PLK5: variants seen among roughly 807,000 people sequenced by gnomAD.
The protein encoded by PLK5 is inactive serine/threonine-protein kinase PLK5.
In PLK5, 28 loss-of-function variants were observed where a neutral mutation model predicts 33.7. That is an observed-to-expected ratio of 0.83 (90% confidence interval 0.62 to 1.14). The LOEUF is 1.14. PLK5 is among the 50% of genes most tolerant of loss of function. The pLI is 0.00. For missense variants in PLK5, 492 were observed against 461.5 expected (o/e 1.07, Z -0.61); for synonymous variants, 225 against 202.2 (o/e 1.11, Z -0.96).
At position 1,533,837 on chromosome 19, in the gene PLK5, C is replaced by T. The variant is rs1042796887; in HGVS notation, c.715-94C>T. 20 of 887,242 alleles carry T rather than the reference C, an allele frequency of 2.3e-5. No homozygotes were observed. The East Asian group carries it at 2.8e-4, about 12-fold the overall frequency. The allele number at this position is 887,242 out of a possible 1,614,324, so 55.0% of individuals were successfully genotyped here. On this transcript the variant is annotated intron_variant, in intron 12 of 13. Coordinates refer to ENST00000454744, the MANE Select transcript of PLK5 (RefSeq NM_001243079.2). ...GCTCTTTGCCGGCTGCCTGCGGCGG[C>T]GGCTGCGGGAGGTGAGAGCTGGGGT... is the stretch of plus-strand genomic sequence containing the variant.
intron 12 of PLK5, 102 bp from the exon 13 acceptor site, chr19:1,533,829 T>TGCG (rs1328039661): frequency 3.6e-6 from 3 of 837,980 alleles, no homozygotes; most frequent in Non-Finnish European, 5.4e-6. Flanking sequence ...GCCGGCTGCC[T>TGCG]GCGGCGGCGG....
intron 10 of PLK5, 59 bp downstream of exon 10, chr19:1,529,549 A>C: frequency 6.7e-7 from 1 of 1,499,120 alleles, no homozygotes; most frequent in Non-Finnish European, 9.0e-7. Flanking sequence ...ATTACAAGTG[A>C]CAGGGGGACC....
At position 1,531,843 on chromosome 19, in the gene PLK5, G is replaced by C. The variant is rs751542106; in HGVS notation, c.674G>C (p.Arg225Pro). 6.6e-7 allele frequency: 1 copy of C among 1,524,812 alleles called. No individual in the cohort carries two copies. The highest frequency in any genetic ancestry group is 8.8e-7 in the Non-Finnish European group (1 of 1,141,420). The allele number at this position is 1,524,812 out of a possible 1,614,324, so 94.5% of individuals were successfully genotyped here. A position where few individuals can be genotyped will look rare whatever the true frequency, so the allele number is the denominator to read the frequency against. The change falls in exon 12 of 14, where the codon CGC (arginine) becomes CCC (proline). Residue 225 changes from arginine (R) to proline (P), a missense_variant. Coordinates refer to ENST00000454744, the MANE Select transcript of PLK5 (RefSeq NM_001243079.2). ...GGCTACCAGCTCTTGGACGGGGGGC[G>C]CACGGGACGGCACCCACATGGCCCT... ...GFGYQLLDGG[R>P]TGRHPHGPAT...
At position 1,531,875 on chromosome 19, in the gene PLK5, C is replaced by G; in HGVS notation, c.706C>G (p.Pro236Ala). Residue 236 changes from proline to alanine, a missense_variant, in exon 12 of 14, where the codon CCC (proline) becomes GCC (alanine). Pro to Ala is a conservative substitution (Grantham distance 27, BLOSUM62 -1). Transcript: ENST00000454744. ...ACGGCACCCACATGGCCCTGCGACC[C>G]CCCGGAGGGTAAGTTGTGGCCTCCT... ...TGRHPHGPAT[P>A]RREGTLPTPV... is the part of the protein sequence containing the mutation. The G allele has an allele frequency of 6.7e-7, 1 of 1,484,422 alleles. No homozygotes were observed. Among genetic ancestry groups the G allele is most frequent in the East Asian group, 2.6e-5 (1 of 39,080 alleles). 92.0% of individuals were successfully genotyped at this position (1,484,422 alleles called of 1,614,324 possible). A position where few individuals can be genotyped will look rare whatever the true frequency, so the allele number is the denominator to read the frequency against.
In PLK5 at chr19:1,535,240, A is replaced by G; in HGVS notation, c.1001A>G (p.Gln334Arg). 1 of 1,535,580 alleles carries G rather than the reference A, an allele frequency of 6.5e-7. No individual in the cohort carries two copies. Among genetic ancestry groups the G allele is most frequent in the South Asian group, 1.2e-5 (1 of 84,030 alleles). The stretch of plus-strand genomic sequence containing the variant: ...CTTCACCACGCCCTCCGCATGCTGC[A>G]GAGTATCTAGTGCCCCTGAGGGTCA... ...QHLHHALRML[Q>R]SI The change falls in exon 14 of 14, where the codon CAG becomes CGG. Residue 334 changes from glutamine (Q) to arginine (R), a missense_variant. Coordinates refer to ENST00000454744, the MANE Select transcript of PLK5 (RefSeq NM_001243079.2).
intron 8 of PLK5, 137 bp from the exon 9 acceptor site, chr19:1,528,761 A>G: frequency 8.4e-6 from 7 of 830,396 alleles, no homozygotes; most frequent in Non-Finnish European, 1.3e-5. Flanking sequence ...CCGCCTGCCC[A>G]CACCTCCCAC....
intron 9 of PLK5, 133 bp downstream of exon 9, chr19:1,529,107 C>T: frequency 1.3e-6 from 1 of 758,558 alleles, no homozygotes; most frequent in Non-Finnish European, 2.1e-6. Context: ...TCCCCCTAGT[C>T]CCGTCCTGAC....
At chr19:1,530,810 G>A (rs1395665743) in intron 11 of PLK5, among the ~76,000 whole-genome samples, 2 of 151,346 alleles carry the variant, frequency 1.3e-5, no homozygotes, top group African/African-American at 2.4e-5. Flanking sequence ...AGTAGAGACG[G>A]GGTTTCACTG....
intron 12 of PLK5, among the ~76,000 whole-genome samples, chr19:1,532,356 T>C (rs1300968941): frequency 1.3e-5 from 2 of 151,586 alleles, no homozygotes; most frequent in Non-Finnish European, 2.9e-5. Flanking sequence ...CTTGGCCTCA[T>C]AGCAAGACCC....
chr19:1,527,261 A>G (rs940617609), intron 6 of PLK5, among the ~76,000 whole-genome samples: 6 of 151,928 alleles, frequency 3.9e-5, no homozygotes, highest in African/African-American at 1.5e-4. Context: ...GTACAGGGAT[A>G]CAGCGTGTGT....
chr19:1,528,251 T>A (rs1406993096), intron 7 of PLK5, 51 bp from the exon 8 acceptor site: 2 of 1,535,562 alleles, frequency 1.3e-6, no homozygotes, highest in African/African-American at 2.7e-5. Flanking sequence ...ACCCAGGTGC[T>A]CAGGGGCTGG....
chr19:1,529,677 G>C, intron 10 of PLK5, 70 bp from the exon 11 acceptor site: 1 of 1,472,120 alleles, frequency 6.8e-7, no homozygotes, highest in Non-Finnish European at 9.2e-7. Context: ...CCGTGGGGAG[G>C]GGGACTGGTT....
intron 6 of PLK5, 56 bp downstream of exon 6, chr19:1,527,054 G>C (rs886387641): frequency 6.3e-6 from 7 of 1,107,654 alleles, no homozygotes; most frequent in Non-Finnish European, 4.8e-6. Flanking sequence ...AGGTGTGGCG[G>C]GGGGGGAGCC....
At chr19:1,527,362 G>A (rs1433594217) in intron 6 of PLK5, among the ~76,000 whole-genome samples, 1 of 152,130 alleles carries the variant, frequency 6.6e-6, no homozygotes, top group Non-Finnish European at 1.5e-5. Context: ...AGAGCTTTGG[G>A]AGGCCGAGGC....
At position 1,529,488 on chromosome 19, in the gene PLK5, C is replaced by G; in HGVS notation, c.488C>G (p.Ala163Gly). The change falls in exon 10 of 14, where the codon GCC becomes GGC. Residue 163 changes from alanine (A) to glycine (G), a missense_variant and splice_region_variant. Physicochemically the swap from Ala to Gly is moderately conservative, Grantham distance 60. Coordinates refer to ENST00000454744, the MANE Select transcript of PLK5 (RefSeq NM_001243079.2). ...CAAGGGACCCTGCAGAGTGACCTGG[C>G]CGGTGAGCAGATCCCCGTCCCAGCC... ...VAQGTLQSDLAGPEGSRRPEV... is the reference protein window; with the variant it reads ...VAQGTLQSDLGGPEGSRRPEV... 6.5e-7 allele frequency: 1 copy of G among 1,535,404 alleles called. No individual in the cohort carries two copies. The highest frequency in any genetic ancestry group is 8.7e-7 in the Non-Finnish European group (1 of 1,146,326).
intron 12 of PLK5, among the ~76,000 whole-genome samples, chr19:1,532,151 G>A (rs368903306): frequency 6.0e-4 from 92 of 152,252 alleles, no homozygotes; most frequent in Middle Eastern, 3.4e-3. Flanking sequence ...AATGACAAGC[G>A]GCAGCCCTGT....
At chr19:1,528,209 C>T in intron 7 of PLK5, 75 bp downstream of exon 7, 1 of 1,530,736 alleles carries the variant, frequency 6.5e-7, no homozygotes, top group Non-Finnish European at 8.7e-7. Context: ...CTGCCCTGCT[C>T]AGCCGAGGGA....
chr19:1,527,596 T>C (rs1032548370), intron 6 of PLK5, among the ~76,000 whole-genome samples: 1 of 140,728 alleles, frequency 7.1e-6, no homozygotes, highest in Admixed American at 7.4e-5. Context: ...AATGAGACCC[T>C]GTCTTTAAAA....
chr19:1,530,652 C>T (rs2357829), intron 11 of PLK5, among the ~76,000 whole-genome samples: 1,748 of 118,430 alleles, frequency 0.015, 46 homozygotes, highest in African/African-American at 0.056. Flanking sequence ...CGGAGTCTCA[C>T]TCTGTCGCCC....
Sources: allele counts gnomAD v4.1 joint callset (sites outside exome capture counted in the v4.1 genomes callset), GRCh38; gene constraint gnomAD v4.1.1; transcripts MANE v1.5; gene names NCBI Gene and HGNC (gene_info 2026-07-23, HGNC 2026-07-21).